DERL2: variants seen among roughly 807,000 people sequenced by gnomAD.
The protein encoded by DERL2 is derlin 2.
DERL2 carries 13 observed loss-of-function variants against 32.0 expected under a neutral mutation model. That is an observed-to-expected ratio of 0.41 (90% CI 0.26 to 0.65). The LOEUF (loss-of-function observed/expected upper bound fraction) is 0.65. DERL2 is among the 30% of genes least tolerant of loss of function. The probability of loss-of-function intolerance (pLI) is 0.35; values close to 1 mark genes in which losing one functional copy is unlikely to be tolerated. For missense variants in DERL2, 208 were observed against 296.3 expected, an observed-to-expected ratio of 0.70 and a Z score of 2.19; for synonymous variants, 111 against 104.7, an observed-to-expected ratio of 1.06 and a Z score of -0.37.
chr17:5,482,675 T>TG, intron 3 of DERL2, 134 bp downstream of exon 3: 1 of 587,348 alleles, frequency 1.7e-6, no homozygotes, highest in South Asian at 1.9e-5. Context: ...CCTAAGCAAC[T>TG]ACTTTATGTA....
intron 6 of DERL2, among the ~76,000 whole-genome samples, chr17:5,476,443 C>T (rs1351346422): frequency 6.6e-6 from 1 of 152,158 alleles, no homozygotes; most frequent in Non-Finnish European, 1.5e-5. Flanking sequence ...GGTCAATAAA[C>T]GTGAGAATGT....
chr17:5,475,282 G>A (rs1327992430), intron 6 of DERL2, among the ~76,000 whole-genome samples: 3 of 147,854 alleles, frequency 2.0e-5, no homozygotes, highest in Non-Finnish European at 3.0e-5. Flanking sequence ...TTTTTGAGAC[G>A]GGAGTCTCAC....
At chr17:5,478,932 A>C (rs1157124747) in intron 6 of DERL2, among the ~76,000 whole-genome samples, 2 of 152,036 alleles carry the variant, frequency 1.3e-5, no homozygotes, top group Non-Finnish European at 2.9e-5. Context: ...CAATCCTTCC[A>C]CCTCAACCTC....
chr17:5,485,381 T>C (rs1157888992), intron 1 of DERL2, among the ~76,000 whole-genome samples, 165 bp from the exon 2 acceptor site: 1 of 152,234 alleles, frequency 6.6e-6, no homozygotes, highest in African/African-American at 2.4e-5. Flanking sequence ...AAGAATTCTC[T>C]AGGATTGGTA....
At chr17:5,482,755 T>G (rs1905872552) in intron 3 of DERL2, 54 bp downstream of exon 3, 1 of 1,047,294 alleles carries the variant, frequency 9.5e-7, no homozygotes, top group South Asian at 1.4e-5. Flanking sequence ...TTCAACTTAA[T>G]TTTTTACTTC....
Position 5,471,383 on chromosome 17 carries a change from C to G in DERL2, c.*3301G>C, listed in dbSNP as rs1905120220. 6.6e-6 allele frequency: 1 copy of G among 152,094 alleles called. No individual in the cohort carries two copies. The highest frequency in any genetic ancestry group is 2.1e-4 in the South Asian group (1 of 4,830). 9.4% of individuals were successfully genotyped at this position (152,094 alleles called of 1,614,324 possible). ...GGAGCTTACATTCTCATGAGGGAGA[C>G]AAGACTAATATACATGTACCAGCTA... On this transcript the variant is annotated 3_prime_UTR_variant, in exon 7 of 7. Transcript: ENST00000158771.
intron 2 of DERL2, among the ~76,000 whole-genome samples, chr17:5,483,101 G>A (rs922862079): frequency 6.6e-6 from 1 of 152,068 alleles, no homozygotes; most frequent in East Asian, 1.9e-4. Flanking sequence ...TTGGGACTGT[G>A]ACATTTATAA....
chr17:5,485,159 G>T lies in DERL2; in HGVS notation c.151C>A (p.His51Asn). 6.3e-7 allele frequency: 1 copy of T among 1,585,766 alleles called. No homozygotes were observed. The highest frequency in any genetic ancestry group is 8.6e-7 in the Non-Finnish European group (1 of 1,166,204). ...LYFNPELIFKHFQIWRLITNF... is the reference protein window; with the variant it reads ...LYFNPELIFKNFQIWRLITNF... Reference sequence around the variant, plus strand: ...TGTGATGAACCACTTACTTGAAAGTGTTTAAAGATTAATTCAGGATTGAAG... The same window carrying T: ...TGTGATGAACCACTTACTTGAAAGTTTTTAAAGATTAATTCAGGATTGAAG... The change falls in exon 2 of 7, where the codon CAC becomes AAC. Residue 51 changes from histidine to asparagine, a missense_variant. His to Asn is a moderately conservative substitution (Grantham distance 68). Coordinates refer to ENST00000158771, the MANE Select transcript of DERL2 (RefSeq NM_016041.5).
rs1040668228 is a variant in DERL2, at chr17:5,474,463, C to T, written c.*221G>A. On this transcript the variant is annotated 3_prime_UTR_variant, in exon 7 of 7. Transcript: ENST00000158771. This position sits in a 1 kb window ranked among gnomAD's most constrained non-coding sequence, Gnocchi z 4.3. The stretch of plus-strand genomic sequence containing the variant: ...GATATTTGTTTCTCCAGTTTTTTGG[C>T]TCTAAGAAATTACACTTTCAGTACC... 34 of 429,846 alleles carry T rather than the reference C, an allele frequency of 7.9e-5. No individual in the cohort carries two copies. The highest frequency in any genetic ancestry group is 6.0e-4 in the African/African-American group (29 of 48,284). 26.6% of individuals were successfully genotyped at this position (429,846 alleles called of 1,614,324 possible). A position where few individuals can be genotyped will look rare whatever the true frequency, so the allele number is the denominator to read the frequency against.
Position 5,481,832 on chromosome 17 carries a change from TAGAG to T in DERL2, c.234-447_234-444del, listed in dbSNP as rs1427972846. ...GCCAGGCTATTTTTTGTATTTTTAGTAGAGAGCAGGTTTCACCATGTTGGCCAGG... is the reference window on the plus strand; with the variant it reads ...GCCAGGCTATTTTTTGTATTTTTAGTAGCAGGTTTCACCATGTTGGCCAGG... On this transcript the variant is annotated intron_variant, in intron 3 of 6. Transcript: ENST00000158771. The surrounding 1 kb of genome is among the most constrained non-coding windows in gnomAD (Gnocchi z 4.4). Among the ~76,000 whole-genome samples the T allele has an allele frequency of 1.3e-5, 2 of 152,082 alleles. No homozygotes were observed. Among genetic ancestry groups the T allele is most frequent in the Non-Finnish European group, 2.9e-5 (2 of 68,004 alleles).
Position 5,471,384 on chromosome 17 carries a change from A to T in DERL2, c.*3300T>A, listed in dbSNP as rs1282276043. 1 of 152,264 alleles carries T rather than the reference A, an allele frequency of 6.6e-6. No homozygotes were observed. Among genetic ancestry groups the T allele is most frequent in the Non-Finnish European group, 1.5e-5 (1 of 68,060 alleles). The allele number at this position is 152,264 out of a possible 1,614,324, so 9.4% of individuals were successfully genotyped here. A position where few individuals can be genotyped will look rare whatever the true frequency, so the allele number is the denominator to read the frequency against. ...GAGCTTACATTCTCATGAGGGAGAC[A>T]AGACTAATATACATGTACCAGCTAG... On this transcript the variant is annotated 3_prime_UTR_variant, in exon 7 of 7. Coordinates refer to ENST00000158771, the MANE Select transcript of DERL2 (RefSeq NM_016041.5).
At chr17:5,486,801 C>T (rs1906364724), upstream of DERL2, 2 of 152,516 alleles carry the variant, frequency 1.3e-5, no homozygotes, top group Admixed American at 1.3e-4. Flanking sequence ...CGGCCTCCGA[C>T]CTGAAGATCC....
intron 5 of DERL2, 92 bp downstream of exon 5, chr17:5,480,295 A>G (rs1431180113): frequency 7.5e-7 from 1 of 1,338,144 alleles, no homozygotes; most frequent in African/African-American, 1.5e-5. Flanking sequence ...ACAATAGGTA[A>G]TACGTGAAGG....
upstream of DERL2, chr17:5,486,190 C>A (rs572712487): frequency 2.7e-5 from 32 of 1,178,858 alleles, no homozygotes; most frequent in Admixed American, 9.5e-5. Context: ...CCCCACCCCC[C>A]ACCCACCCCA....
At chr17:5,475,122 C>A (rs1436936657) in intron 6 of DERL2, among the ~76,000 whole-genome samples, 2 of 152,164 alleles carry the variant, frequency 1.3e-5, no homozygotes, top group East Asian at 3.8e-4. Flanking sequence ...TGTCATTTTA[C>A]AAAAGTTAGA....
At position 5,480,156 on chromosome 17, in the gene DERL2, C is replaced by T. The variant is rs367780632; in HGVS notation, c.524-12G>A. The T allele has an allele frequency of 6.4e-7, 1 of 1,559,434 alleles. No homozygotes were observed. The highest frequency in any genetic ancestry group is 1.1e-5 in the South Asian group (1 of 88,740). ...TCCAACTGCAATACCTAGAGTCAAG[C>T]AGAAATAAAGGATGAGGGAGAGAAT... On this transcript the variant is annotated splice_polypyrimidine_tract_variant and intron_variant, in intron 5 of 6. Coordinates refer to ENST00000158771, the MANE Select transcript of DERL2 (RefSeq NM_016041.5).
intron 2 of DERL2, among the ~76,000 whole-genome samples, chr17:5,483,163 GGA>G (rs1448846392): frequency 6.6e-6 from 1 of 151,938 alleles, no homozygotes; most frequent in Non-Finnish European, 1.5e-5. Flanking sequence ...AAAGTTTGCT[GGA>G]AAGACTAGGT....
rs1905290094 is a variant in DERL2, at chr17:5,474,892, C to T, written c.615-103G>A. The T allele has an allele frequency of 1.6e-6, 1 of 635,286 alleles. No homozygotes were observed. The highest frequency in any genetic ancestry group is 2.7e-6 in the Non-Finnish European group (1 of 377,028). The allele number at this position is 635,286 out of a possible 1,614,324, so 39.4% of individuals were successfully genotyped here. A position where few individuals can be genotyped will look rare whatever the true frequency, so the allele number is the denominator to read the frequency against. Reference sequence around the variant, plus strand: ...CATAGGGTTTCCACCAATAGGTAAGCATTACACCTGCCTGCCAATTAAACA... The same window carrying T: ...CATAGGGTTTCCACCAATAGGTAAGTATTACACCTGCCTGCCAATTAAACA... On this transcript the variant is annotated intron_variant, in intron 6 of 6. Transcript: ENST00000158771. The surrounding 1 kb of genome is among the most constrained non-coding windows in gnomAD (Gnocchi z 4.3).
chr17:5,485,848 C>A (rs748609445), intron 1 of DERL2: 14 of 420,878 alleles, frequency 3.3e-5, no homozygotes, highest in Non-Finnish European at 5.9e-5. Flanking sequence ...CGGCGCTCAT[C>A]TCTTAGAAAC....
Sources: gnomAD v4.1 joint callset for allele counts (sites outside exome capture counted in the v4.1 genomes callset) on GRCh38, gnomAD v4.1.1 for gene constraint, Gnocchi (gnomAD v3.1) non-coding constraint, MANE v1.5 for transcripts, NCBI Gene and HGNC (gene_info 2026-07-23, HGNC 2026-07-21) for gene names.